The following ZFHX3 variants were observed in gnomAD, a reference collection of about 807,000 sequenced individuals.
The protein encoded by ZFHX3 is zinc finger homeobox protein 3.
ZFHX3 carries 42 observed loss-of-function variants against 279.1 expected under a neutral mutation model. The observed-to-expected ratio is 0.15, with a 90% CI of 0.12 to 0.19. The LOEUF is 0.19. Ranked by LOEUF, ZFHX3 falls within the 10% of genes least tolerant of loss-of-function variation. The pLI, the probability that ZFHX3 is intolerant of heterozygous loss-of-function variation, is 1.00. For synonymous variants in ZFHX3, 2,293 were observed against 1,957.8 expected (o/e 1.17, Z -4.52); for missense variants, 4,981 against 4,754.0 (o/e 1.05, Z -1.40).
intron 4 of ZFHX3, among the ~76,000 whole-genome samples, chr16:73,278,360 G>A (rs985325821): frequency 6.6e-6 from 1 of 152,194 alleles, no homozygotes; most frequent in African/African-American, 2.4e-5. Context: ...AACGATGGAG[G>A]AAGAAAGTTG....
chr16:73,566,076 C>A (rs1004426467), intron 2 of ZFHX3, among the ~76,000 whole-genome samples: 1 of 152,226 alleles, frequency 6.6e-6, no homozygotes, highest in African/African-American at 2.4e-5. Flanking sequence ...TGTAGAAACA[C>A]TAGCCTGAGG....
intron 4 of ZFHX3, among the ~76,000 whole-genome samples, chr16:72,878,461 G>A (rs1271966109): frequency 6.6e-6 from 1 of 152,172 alleles, no homozygotes; most frequent in Non-Finnish European, 1.5e-5. Flanking sequence ...TTCTGAAATG[G>A]ACTCACACAA....
intron 1 of ZFHX3, among the ~76,000 whole-genome samples, chr16:73,694,109 G>A (rs1307192988): frequency 2.0e-5 from 3 of 151,274 alleles, no homozygotes; most frequent in Non-Finnish European, 4.4e-5. Flanking sequence ...AATCACTTGA[G>A]GTCAGGAGTT....
intron 1 of ZFHX3, among the ~76,000 whole-genome samples, chr16:72,987,396 C>T (rs1962893648): frequency 6.6e-6 from 1 of 152,186 alleles, no homozygotes; most frequent in African/African-American, 2.4e-5. Flanking sequence ...TCCCACCCTC[C>T]CCGATCAAAG....
intron 4 of ZFHX3, among the ~76,000 whole-genome samples, chr16:72,884,179 G>GT (rs1482481457): frequency 6.6e-6 from 1 of 152,182 alleles, no homozygotes; most frequent in Non-Finnish European, 1.5e-5. Context: ...CTGAAACTTG[G>GT]TTTAAAAAGT....
In ZFHX3 at chr16:73,565,337, A is replaced by G. The variant is rs550679290; in HGVS notation, c.-1546-109079T>C. 8.7e-4 allele frequency among the ~76,000 whole-genome samples: 132 copies of G among 152,264 alleles called. 1 individual carries two copies. The highest frequency in any genetic ancestry group is 2.9e-3 in the African/African-American group (120 of 41,542). On this transcript the variant is annotated intron_variant, in intron 2 of 17. Coordinates refer to the ZFHX3 transcript ENST00000641206. ...TAGTGAGGTTCTACAAAACTTATCAATTTTACTCTTTAGTTTCACATTGAT... is the reference window on the plus strand; with the variant it reads ...TAGTGAGGTTCTACAAAACTTATCAGTTTTACTCTTTAGTTTCACATTGAT...
At chr16:73,545,013 C>T (rs2020085483) in intron 2 of ZFHX3, among the ~76,000 whole-genome samples, 1 of 152,106 alleles carries the variant, frequency 6.6e-6, no homozygotes, top group African/African-American at 2.4e-5. Context: ...CCCACAGCCC[C>T]AGCTCCACTG....
chr16:73,561,421 G>GA (rs2143789626), intron 2 of ZFHX3, among the ~76,000 whole-genome samples: 1 of 152,286 alleles, frequency 6.6e-6, no homozygotes, highest in South Asian at 2.1e-4. Context: ...GAAGGCCTTA[G>GA]AAAAGATATG....
chr16:72,989,477 C>CAA (rs60029159), intron 1 of ZFHX3, among the ~76,000 whole-genome samples: 2 of 122,712 alleles, frequency 1.6e-5, no homozygotes, highest in Non-Finnish European at 1.8e-5. Context: ...CACTCTGTCT[C>CAA]AAAAAAAAAA....
chr16:73,168,211 T>TTTCCTTTC (rs1555502325), intron 5 of ZFHX3, among the ~76,000 whole-genome samples: 3 of 95,222 alleles, frequency 3.2e-5, no homozygotes, highest in Non-Finnish European at 6.3e-5. Context: ...GTTTCTTTTG[T>TTTCCTTTC]TTTCTTTCTT....
At chr16:73,413,669 C>A (rs2017514047) in intron 3 of ZFHX3, among the ~76,000 whole-genome samples, 1 of 152,150 alleles carries the variant, frequency 6.6e-6, no homozygotes, top group African/African-American at 2.4e-5. Flanking sequence ...ATTTATCTAA[C>A]AATATTATTC....
intron 1 of ZFHX3, among the ~76,000 whole-genome samples, chr16:73,734,908 T>G (rs907468054): frequency 6.6e-6 from 1 of 152,206 alleles, no homozygotes; most frequent in Non-Finnish European, 1.5e-5. Flanking sequence ...CTTAGTTTGC[T>G]GCAATACACA....
chr16:73,839,529 T>C (rs1961243547), intron 1 of ZFHX3, among the ~76,000 whole-genome samples: 1 of 151,914 alleles, frequency 6.6e-6, no homozygotes, highest in Non-Finnish European at 1.5e-5. Flanking sequence ...AAAAATCAAA[T>C]CATCTTAGAA....
chr16:73,485,507 T>C (rs1206215381), intron 2 of ZFHX3, among the ~76,000 whole-genome samples: 1 of 152,212 alleles, frequency 6.6e-6, no homozygotes, highest in African/African-American at 2.4e-5. Flanking sequence ...GAAAATACTC[T>C]ACCATTTGGG....
intron 5 of ZFHX3, among the ~76,000 whole-genome samples, chr16:73,191,679 C>T (rs1968039714): frequency 6.6e-6 from 1 of 152,158 alleles, no homozygotes; most frequent in African/African-American, 2.4e-5. Context: ...CTCTCTGGTC[C>T]CCTCTCACCC....
intron 3 of ZFHX3, among the ~76,000 whole-genome samples, chr16:73,343,466 T>C (rs1466405843): frequency 6.6e-6 from 1 of 152,174 alleles, no homozygotes; most frequent in Non-Finnish European, 1.5e-5. Flanking sequence ...GGCTCACACC[T>C]GTAATCTCAG....
intron 3 of ZFHX3, among the ~76,000 whole-genome samples, chr16:73,334,719 C>T (rs916960606): frequency 2.0e-5 from 3 of 150,386 alleles, no homozygotes; most frequent in African/African-American, 7.3e-5. Context: ...TCAGAGTCCC[C>T]AAATTTGAAC....
intron 3 of ZFHX3, among the ~76,000 whole-genome samples, chr16:72,896,333 A>G (rs1287526773): frequency 6.6e-6 from 1 of 152,126 alleles, no homozygotes; most frequent in Non-Finnish European, 1.5e-5. Context: ...GGACACTCCA[A>G]TGCTTCTGAC....
intron 4 of ZFHX3, among the ~76,000 whole-genome samples, chr16:73,275,103 C>T (rs937635761): frequency 1.3e-5 from 2 of 152,156 alleles, no homozygotes; most frequent in African/African-American, 2.4e-5. Context: ...GTGCAGTAGC[C>T]CGATTCCAGG....
Sources: gnomAD v4.1 joint callset for allele counts (sites outside exome capture counted in the v4.1 genomes callset) on GRCh38, gnomAD v4.1.1 for gene constraint, MANE v1.5 for transcripts, NCBI Gene and HGNC (gene_info 2026-07-23, HGNC 2026-07-21) for gene names.